Variants in HSD17B12 observed in about 807,000 individuals in gnomAD.
HSD17B12 encodes the protein hydroxysteroid 17-beta dehydrogenase 12.
A neutral mutation model predicts 39.3 loss-of-function variants in HSD17B12; 32 were observed. The observed-to-expected ratio is 0.81, with a 90% confidence interval of 0.61 to 1.09. The LOEUF (loss-of-function observed/expected upper bound fraction) is 1.09, where lower values mean the gene tolerates loss of function less well. HSD17B12 is among the 50% of genes least tolerant of loss of function. HSD17B12 has a pLI of 0.00. For missense variants in HSD17B12, 342 were observed against 382.9 expected (o/e 0.89, Z 0.89); for synonymous variants, 150 against 146.7 (o/e 1.02, Z -0.16).
the HSD17B12 span, among the ~76,000 whole-genome samples, chr11:43,628,621 A>G: frequency 6.6e-6 from 1 of 152,068 alleles, no homozygotes; most frequent in Non-Finnish European, 1.5e-5. Flanking sequence ...GCATACATTC[A>G]TATACTTCTG....
At chr11:43,596,049 T>C in the HSD17B12 span, among the ~76,000 whole-genome samples, 1 of 152,160 alleles carries the variant, frequency 6.6e-6, no homozygotes, top group African/African-American at 2.4e-5. Context: ...TTCTTTGTTT[T>C]GTGTTGTTTT....
In HSD17B12 at chr11:43,779,396, T is replaced by C. The variant is rs1309405074; in HGVS notation, c.284-18924T>C. ...CCAGGCTTAAAAACAGTGTTCTATT[T>C]TGGAATGGGAAATAAACTTACAACA... On this transcript the variant is annotated intron_variant, in intron 3 of 10. Coordinates refer to ENST00000278353, the MANE Select transcript of HSD17B12 (RefSeq NM_016142.3). 2.0e-5 allele frequency among the ~76,000 whole-genome samples: 3 copies of C among 152,236 alleles called. No homozygotes were observed. The East Asian group carries it at 5.8e-4, about 29-fold the overall frequency.
At chr11:43,711,811 A>G (rs1248091784) in intron 1 of HSD17B12, among the ~76,000 whole-genome samples, 1 of 152,086 alleles carries the variant, frequency 6.6e-6, no homozygotes, top group Non-Finnish European at 1.5e-5. Flanking sequence ...AAATTTTCAG[A>G]CTTTTCAGAT....
chr11:43,844,582 T>G (rs1415357250), intron 9 of HSD17B12, among the ~76,000 whole-genome samples: 3 of 151,960 alleles, frequency 2.0e-5, no homozygotes, highest in Non-Finnish European at 2.9e-5. Flanking sequence ...AAGACACTTG[T>G]GTCTTTCAAA....
chr11:43,638,285 A>G, the HSD17B12 span, among the ~76,000 whole-genome samples: 1 of 152,186 alleles, frequency 6.6e-6, no homozygotes, highest in African/African-American at 2.4e-5. Context: ...ATTTCAGTAC[A>G]GTGAAATCAG....
the HSD17B12 span, among the ~76,000 whole-genome samples, chr11:43,625,748 A>G: frequency 2.0e-5 from 3 of 151,286 alleles, no homozygotes; most frequent in Non-Finnish European, 4.4e-5. Flanking sequence ...ATCTGGGTCT[A>G]TAATAATTCA....
At chr11:43,636,844 A>G in the HSD17B12 span, among the ~76,000 whole-genome samples, 1 of 152,160 alleles carries the variant, frequency 6.6e-6, no homozygotes, top group Non-Finnish European at 1.5e-5. Flanking sequence ...AGGAGATAAG[A>G]CATTCTGAGG....
chr11:43,659,409 C>G, the HSD17B12 span, among the ~76,000 whole-genome samples: 33 of 152,208 alleles, frequency 2.2e-4, no homozygotes, highest in African/African-American at 7.0e-4. Flanking sequence ...CCTGCACCCA[C>G]TGTCTGGCAC....
chr11:43,679,449 C>T (rs1318651483), upstream of HSD17B12, among the ~76,000 whole-genome samples: 1 of 152,132 alleles, frequency 6.6e-6, no homozygotes, highest in African/African-American at 2.4e-5. Flanking sequence ...TAGAAAACCC[C>T]ATCGTCTCAG....
At chr11:43,674,325 G>C in the HSD17B12 span, among the ~76,000 whole-genome samples, 1 of 152,160 alleles carries the variant, frequency 6.6e-6, no homozygotes, top group East Asian at 1.9e-4. Flanking sequence ...AGCGACAAAG[G>C]ATTGTTGAAT....
chr11:43,779,082 C>T (rs1428803936), intron 3 of HSD17B12, among the ~76,000 whole-genome samples: 2 of 152,138 alleles, frequency 1.3e-5, no homozygotes, highest in Admixed American at 1.3e-4. Context: ...AGGTTCATCT[C>T]AAATATTTTG....
intron 6 of HSD17B12, among the ~76,000 whole-genome samples, chr11:43,820,421 T>C (rs1410870198): frequency 6.6e-6 from 1 of 152,182 alleles, no homozygotes; most frequent in Non-Finnish European, 1.5e-5. Flanking sequence ...CCCTATAATA[T>C]ATTTGGATGA....
the HSD17B12 span, among the ~76,000 whole-genome samples, chr11:43,565,975 T>C: frequency 5.6e-4 from 85 of 152,326 alleles, no homozygotes; most frequent in African/African-American, 1.9e-3. Flanking sequence ...CAATGTTGGA[T>C]GGAACTCCAC....
At chr11:43,598,979 A>G in the HSD17B12 span, among the ~76,000 whole-genome samples, 2 of 152,264 alleles carry the variant, frequency 1.3e-5, no homozygotes, top group South Asian at 4.1e-4. Context: ...TTGGTTGCCA[A>G]CTCTGCCACC....
intron 9 of HSD17B12, among the ~76,000 whole-genome samples, chr11:43,845,264 G>A (rs1407054685): frequency 1.3e-5 from 2 of 152,196 alleles, no homozygotes; most frequent in Non-Finnish European, 1.5e-5. Context: ...GATTACAGGC[G>A]TGAGCCACCA....
chr11:43,635,179 T>G, the HSD17B12 span, among the ~76,000 whole-genome samples: 1 of 152,236 alleles, frequency 6.6e-6, no homozygotes, highest in Non-Finnish European at 1.5e-5. Flanking sequence ...TTTGTTTGTT[T>G]GAAAATTTCC....
intron 6 of HSD17B12, among the ~76,000 whole-genome samples, chr11:43,817,113 CAT>C (rs1382844904): frequency 6.7e-6 from 1 of 149,700 alleles, no homozygotes; most frequent in African/African-American, 2.5e-5. Flanking sequence ...AACATTTTTT[CAT>C]ATGTTTGTTG....
the HSD17B12 span, among the ~76,000 whole-genome samples, chr11:43,571,568 T>C: frequency 6.6e-6 from 1 of 152,224 alleles, no homozygotes; most frequent in Non-Finnish European, 1.5e-5. Context: ...TTAGAATGGC[T>C]GAGAGGAGGG....
chr11:43,607,704 G>T, the HSD17B12 span, among the ~76,000 whole-genome samples: 3 of 152,152 alleles, frequency 2.0e-5, no homozygotes, highest in Non-Finnish European at 4.4e-5. Context: ...TCATATATTT[G>T]TATAGTACTA....
Sources: gnomAD v4.1 joint callset for allele counts (sites outside exome capture counted in the v4.1 genomes callset) on GRCh38, gnomAD v4.1.1 for gene constraint, MANE v1.5 for transcripts, NCBI Gene and HGNC (gene_info 2026-07-23, HGNC 2026-07-21) for gene names.